CEP128: variants seen among roughly 807,000 people sequenced by gnomAD.
CEP128 encodes centrosomal protein 128.
A neutral mutation model predicts 156.7 loss-of-function variants in CEP128; 132 were observed. That is an observed-to-expected ratio of 0.84 (90% CI 0.73 to 0.97). The LOEUF (loss-of-function observed/expected upper bound fraction) is 0.97, where lower values mean the gene tolerates loss of function less well. Among genes scored for constraint, CEP128 ranks in the 50% least tolerant of loss-of-function variants. The pLI is 0.00. For synonymous variants in CEP128, 469 were observed against 448.9 expected (o/e 1.04, Z -0.57); for missense variants, 1,252 against 1,281.9 (o/e 0.98, Z 0.36).
chr14:80,640,806 T>C (rs77389304), intron 19 of CEP128, among the ~76,000 whole-genome samples: 1,789 of 152,282 alleles, frequency 0.012, 34 homozygotes, highest in African/African-American at 0.041. Flanking sequence ...ATTCCAATAG[T>C]TTATTAGAAA....
intron 8 of CEP128, among the ~76,000 whole-genome samples, chr14:80,878,878 T>C (rs1863764): frequency 0.49 from 74,430 of 151,604 alleles, 18,723 homozygotes; most frequent in African/African-American, 0.57. Flanking sequence ...AGCATCTGTG[T>C]TGTGGATCCC....
intron 23 of CEP128, among the ~76,000 whole-genome samples, chr14:80,520,988 A>G (rs1321203765): frequency 1.4e-5 from 2 of 140,440 alleles, no homozygotes; most frequent in African/African-American, 2.7e-5. Context: ...ACGCCCAGCT[A>G]ATTTTTTTTT....
At chr14:80,591,221 T>C (rs1156308802) in intron 19 of CEP128, among the ~76,000 whole-genome samples, 2 of 151,740 alleles carry the variant, frequency 1.3e-5, no homozygotes, top group Non-Finnish European at 2.9e-5. Flanking sequence ...GAAAATTGGA[T>C]AAAGAGTCAA....
chr14:80,634,860 T>C (rs1187266276), intron 19 of CEP128, among the ~76,000 whole-genome samples: 2 of 152,198 alleles, frequency 1.3e-5, no homozygotes, highest in African/African-American at 2.4e-5. Context: ...CCAACACAGA[T>C]GTCAGGATAA....
At chr14:80,621,815 T>A (rs1191356821) in intron 19 of CEP128, among the ~76,000 whole-genome samples, 2 of 152,212 alleles carry the variant, frequency 1.3e-5, no homozygotes, top group African/African-American at 2.4e-5. Flanking sequence ...TTTCCACTCA[T>A]CAGATGAAAA....
At chr14:80,582,161 C>A (rs1210301976) in intron 19 of CEP128, among the ~76,000 whole-genome samples, 2 of 152,130 alleles carry the variant, frequency 1.3e-5, no homozygotes, top group South Asian at 4.1e-4. Flanking sequence ...GCAGAGTTGC[C>A]CAGTTGATCT....
chr14:80,677,436 T>C (rs1245017286), intron 19 of CEP128, among the ~76,000 whole-genome samples: 1 of 137,584 alleles, frequency 7.3e-6, no homozygotes, highest in Non-Finnish European at 1.5e-5. Flanking sequence ...TTGAACAAAG[T>C]AGGTGGAGGT....
chr14:80,622,542 T>A (rs1373921631), intron 19 of CEP128, among the ~76,000 whole-genome samples: 1 of 149,326 alleles, frequency 6.7e-6, no homozygotes, highest in East Asian at 2.0e-4. Context: ...TGGGAGAAAA[T>A]TTTCGCAACC....
At chr14:80,852,902 GA>G (rs1279847335) in intron 9 of CEP128, among the ~76,000 whole-genome samples, 1 of 151,058 alleles carries the variant, frequency 6.6e-6, no homozygotes, top group Non-Finnish European at 1.5e-5. Flanking sequence ...AAAATCCTAA[GA>G]AAAAAATAGC....
At chr14:80,733,241 C>T (rs1898361982) in intron 19 of CEP128, among the ~76,000 whole-genome samples, 1 of 152,048 alleles carries the variant, frequency 6.6e-6, no homozygotes, top group African/African-American at 2.4e-5. Context: ...GTTCTTATAG[C>T]ACTGGACTAA....
At chr14:80,855,962 AC>A (rs1464422011) in intron 9 of CEP128, among the ~76,000 whole-genome samples, 1 of 152,218 alleles carries the variant, frequency 6.6e-6, no homozygotes, top group Non-Finnish European at 1.5e-5. Flanking sequence ...TATCTGTATT[AC>A]TCAGCATCTC....
intron 13 of CEP128, among the ~76,000 whole-genome samples, chr14:80,802,085 G>A (rs973167101): frequency 3.3e-5 from 5 of 151,952 alleles, no homozygotes; most frequent in African/African-American, 1.2e-4. Flanking sequence ...TTACACTGTT[G>A]GTAGGAAAGT....
intron 19 of CEP128, among the ~76,000 whole-genome samples, chr14:80,615,283 T>A (rs1025055237): frequency 4.6e-5 from 7 of 152,190 alleles, no homozygotes; most frequent in African/African-American, 1.7e-4. Context: ...CATAGAGAGC[T>A]TGGCATTAAT....
chr14:80,950,440 T>C (rs1335098563), intron 2 of CEP128, among the ~76,000 whole-genome samples: 2 of 152,102 alleles, frequency 1.3e-5, no homozygotes, highest in Non-Finnish European at 2.9e-5. Context: ...ATGGAAAATA[T>C]GAAAAAAGCC....
At chr14:80,515,516 G>A (rs560321532) in intron 23 of CEP128, among the ~76,000 whole-genome samples, 25 of 152,112 alleles carry the variant, frequency 1.6e-4, no homozygotes, top group Admixed American at 1.3e-3. Context: ...GACTACTACC[G>A]ATGTTCGCTC....
chr14:80,557,306 G>A (rs1284427498), intron 21 of CEP128, among the ~76,000 whole-genome samples: 4 of 152,246 alleles, frequency 2.6e-5, no homozygotes, highest in Admixed American at 6.5e-5. Flanking sequence ...TCGTGGTAAC[G>A]ATAACATTTG....
downstream of CEP128, among the ~76,000 whole-genome samples, chr14:80,487,742 A>T (rs1887201005): frequency 6.6e-6 from 1 of 152,312 alleles, no homozygotes; most frequent in East Asian, 1.9e-4. Flanking sequence ...CTGCTCAACT[A>T]CATGGAAACT....
intron 9 of CEP128, among the ~76,000 whole-genome samples, chr14:80,850,690 C>T (rs1051194885): frequency 6.6e-6 from 1 of 152,168 alleles, no homozygotes; most frequent in African/African-American, 2.4e-5. Flanking sequence ...TATTCACGCT[C>T]ACACAGCTAT....
chr14:80,844,176 A>T (rs1038644536), intron 9 of CEP128, among the ~76,000 whole-genome samples: 4 of 152,018 alleles, frequency 2.6e-5, no homozygotes, highest in Admixed American at 2.6e-4. Context: ...AAAAAAAATT[A>T]AGTTTCTTTT....
Sources: allele counts gnomAD v4.1 joint callset (sites outside exome capture counted in the v4.1 genomes callset), GRCh38; gene constraint gnomAD v4.1.1; transcripts MANE v1.5; gene names NCBI Gene and HGNC (gene_info 2026-07-23, HGNC 2026-07-21).